Variants in CHSY3 observed in about 807,000 individuals in gnomAD.
CHSY3 encodes the protein chondroitin sulfate synthase 3, also known as N-acetylgalactosaminyl-proteoglycan 3-beta-glucuronosyltransferase 3.
In CHSY3, 35 loss-of-function variants were observed where a neutral mutation model predicts 67.2. The observed-to-expected ratio is 0.52, with a 90% confidence interval of 0.40 to 0.69. The LOEUF (loss-of-function observed/expected upper bound fraction) is 0.69, where lower values mean the gene tolerates loss of function less well. Among genes scored for constraint, CHSY3 ranks in the 30% least tolerant of loss-of-function variants. CHSY3 has a pLI of 0.00. For missense variants in CHSY3, 1,069 were observed against 1,138.5 expected, an observed-to-expected ratio of 0.94 and a Z score of 0.88; for synonymous variants, 474 against 434.7, an observed-to-expected ratio of 1.09 and a Z score of -1.12.
At chr5:130,001,333 G>C (rs528081895) in intron 2 of CHSY3, 28 of 592,604 alleles carry the variant, frequency 4.7e-5, no homozygotes, top group Non-Finnish European at 5.5e-5. Flanking sequence ...TTAGAATTAG[G>C]GGCTTGGTGG....
chr5:129,911,761 T>C (rs1416839504), intron 2 of CHSY3, among the ~76,000 whole-genome samples: 1 of 152,104 alleles, frequency 6.6e-6, no homozygotes, highest in Non-Finnish European at 1.5e-5. Flanking sequence ...TCAGTATTAG[T>C]AAAACTTACT....
In CHSY3 at chr5:130,048,390, C is replaced by CT. The variant is rs202099509; in HGVS notation, c.1087-135835dup. 9.5e-3 allele frequency among the ~76,000 whole-genome samples: 1,439 copies of CT among 151,876 alleles called. 21 individuals are homozygous for CT. Among genetic ancestry groups the CT allele is most frequent in the African/African-American group, 0.033 (1,349 of 41,462 alleles). On this transcript the variant is annotated intron_variant, in intron 2 of 2. Coordinates refer to ENST00000305031, the MANE Select transcript of CHSY3 (RefSeq NM_175856.5). ...TTCCAAATATTTTTAATTTCTTTTC[C>CT]TTTTATTATTTTATAGTTTGAAACT...
At position 130,185,519 on chromosome 5, in the gene CHSY3, G is replaced by A. The variant is rs746758769; in HGVS notation, c.2377G>A (p.Ala793Thr). Reference protein sequence around the residue: ...TCIYKSDLLGAGGFDTSIQGW... With the variant: ...TCIYKSDLLGTGGFDTSIQGW... Reference sequence around the variant, plus strand: ...TATTTACAAAAGTGATCTTCTAGGTGCAGGTGGATTTGATACCTCAATACA... The same window carrying A: ...TATTTACAAAAGTGATCTTCTAGGTACAGGTGGATTTGATACCTCAATACA... The change falls in exon 3 of 3, where the codon GCA (alanine) becomes ACA (threonine). Residue 793 changes from alanine to threonine, a missense_variant. Coordinates refer to ENST00000305031, the MANE Select transcript of CHSY3 (RefSeq NM_175856.5). 3 of 1,614,056 alleles carry A rather than the reference G, an allele frequency of 1.9e-6. No individual in the cohort carries two copies. Among genetic ancestry groups the A allele is most frequent in the African/African-American group, 2.7e-5 (2 of 74,926 alleles).
intron 2 of CHSY3, among the ~76,000 whole-genome samples, chr5:130,172,344 C>G (rs1294918943): frequency 9.5e-5 from 13 of 137,474 alleles, no homozygotes; most frequent in African/African-American, 3.7e-4. Flanking sequence ...TTTTTTGAGA[C>G]AGTTGAGACA....
intron 2 of CHSY3, among the ~76,000 whole-genome samples, chr5:130,105,914 T>G (rs1034428317): frequency 1.3e-5 from 2 of 151,656 alleles, no homozygotes; most frequent in African/African-American, 4.8e-5. Flanking sequence ...TATAATTGAG[T>G]CAAAACTATT....
intron 2 of CHSY3, chr5:130,140,271 T>C: frequency 2.8e-6 from 1 of 355,488 alleles, no homozygotes; most frequent in East Asian, 5.7e-5. Context: ...GATTTGAGGA[T>C]ACTGTTGTCC....
intron 2 of CHSY3, among the ~76,000 whole-genome samples, chr5:130,046,126 G>T (rs1681550500): frequency 6.6e-6 from 1 of 152,058 alleles, no homozygotes; most frequent in Non-Finnish European, 1.5e-5. Context: ...AAAAGTACCG[G>T]CTCGGGGAGG....
At chr5:130,147,164 G>C (rs1198538894) in intron 2 of CHSY3, among the ~76,000 whole-genome samples, 4 of 152,136 alleles carry the variant, frequency 2.6e-5, no homozygotes, top group African/African-American at 9.7e-5. Flanking sequence ...ATCCAAAGAA[G>C]TTAAAAGGTT....
intron 2 of CHSY3, among the ~76,000 whole-genome samples, chr5:130,097,922 T>C (rs1401310119): frequency 6.6e-6 from 1 of 151,962 alleles, no homozygotes; most frequent in Non-Finnish European, 1.5e-5. Context: ...AGGAGACTGG[T>C]GAACCCGGGA....
rs566617603 is a variant in CHSY3 at position 129,938,332 on chromosome 5, G to A, written c.1086+29972G>A. On this transcript the variant is annotated intron_variant, in intron 2 of 2. Transcript: ENST00000305031. ...GGAAGGTCTCTGAAATGCCTTTGAG[G>A]CATTTTCCCAATTATCCTGGCTACT... Among the ~76,000 whole-genome samples, 7 of 152,292 alleles carry A rather than the reference G, an allele frequency of 4.6e-5. No homozygotes were observed. In the East Asian group the frequency reaches 1.2e-3, roughly 25 times the overall value.
intron 2 of CHSY3, chr5:130,140,628 C>T (rs1334346251): frequency 9.8e-6 from 4 of 407,952 alleles, no homozygotes; most frequent in Admixed American, 4.3e-5. Flanking sequence ...GGAGATGGCA[C>T]TTTTGATGTG....
chr5:130,061,170 G>A (rs1765700466), intron 2 of CHSY3, among the ~76,000 whole-genome samples: 1 of 152,030 alleles, frequency 6.6e-6, no homozygotes, highest in African/African-American at 2.4e-5. Context: ...TATACTACAA[G>A]GCCATAGCAA....
chr5:130,182,212 A>G (rs1251117533), intron 2 of CHSY3, among the ~76,000 whole-genome samples: 2 of 152,088 alleles, frequency 1.3e-5, no homozygotes, highest in Non-Finnish European at 2.9e-5. Flanking sequence ...ACGTTATCCC[A>G]TAGTAATTTT....
chr5:130,184,175 T>C (rs1770335661), intron 2 of CHSY3, 54 bp from the exon 3 acceptor site: 1 of 1,381,884 alleles, frequency 7.2e-7, no homozygotes, highest in Non-Finnish European at 9.4e-7. Context: ...GCTGGTTTTC[T>C]TTTTAGATAA....
intron 2 of CHSY3, chr5:129,974,935 A>G (rs1022195509): frequency 6.6e-6 from 1 of 152,178 alleles, no homozygotes; most frequent in African/African-American, 2.4e-5. Flanking sequence ...CTTGACAAGG[A>G]TGGAAGAGGC....
At chr5:129,913,765 G>A (rs1404773299) in intron 2 of CHSY3, among the ~76,000 whole-genome samples, 1 of 152,072 alleles carries the variant, frequency 6.6e-6, no homozygotes, top group Non-Finnish European at 1.5e-5. Flanking sequence ...TTATTTCAAA[G>A]ACAGCAGGGT....
At chr5:129,990,568 T>C (rs1045917632) in intron 2 of CHSY3, among the ~76,000 whole-genome samples, 1 of 152,198 alleles carries the variant, frequency 6.6e-6, no homozygotes, top group Admixed American at 6.5e-5. Context: ...TTTTATTTTA[T>C]AGAACGTAAC....
At chr5:130,026,989 T>A (rs1764563064) in intron 2 of CHSY3, among the ~76,000 whole-genome samples, 1 of 152,168 alleles carries the variant, frequency 6.6e-6, no homozygotes, top group Non-Finnish European at 1.5e-5. Context: ...TCTTTTCCTG[T>A]GTTTACAGCC....
chr5:130,091,111 A>AAC (rs143104865), intron 2 of CHSY3, among the ~76,000 whole-genome samples: 55,000 of 148,588 alleles, frequency 0.37, 10,028 homozygotes, highest in Admixed American at 0.4. Context: ...ACTTAAACGC[A>AAC]ACACACACAC....
Sources: allele counts gnomAD v4.1 joint callset (sites outside exome capture counted in the v4.1 genomes callset), GRCh38; gene constraint gnomAD v4.1.1; transcripts MANE v1.5; gene names NCBI Gene and HGNC (gene_info 2026-07-23, HGNC 2026-07-21).